TFAP2D: variants seen among roughly 807,000 people sequenced by gnomAD.
TFAP2D encodes transcription factor AP-2 delta, also known as transcription factor AP-2-delta.
In TFAP2D, 9 loss-of-function variants were observed where a neutral mutation model predicts 43.6. The observed-to-expected ratio is 0.21, with a 90% CI of 0.12 to 0.36. The LOEUF (loss-of-function observed/expected upper bound fraction) is 0.36. Among genes scored for constraint, TFAP2D ranks in the 10% least tolerant of loss-of-function variants. The pLI, the probability that TFAP2D is intolerant of heterozygous loss-of-function variation, is 1.00. For missense variants in TFAP2D, 513 were observed against 561.4 expected (o/e 0.91, Z 0.87); for synonymous variants, 256 against 224.9 (o/e 1.14, Z -1.24).
intron 3 of TFAP2D, among the ~76,000 whole-genome samples, chr6:50,726,317 A>G (rs577157190): frequency 1.3e-5 from 2 of 152,314 alleles, no homozygotes; most frequent in South Asian, 4.1e-4. Context: ...AAGATTAGTA[A>G]AGATAAGAAA....
intron 5 of TFAP2D, 39 bp from the exon 6 acceptor site, chr6:50,745,068 G>C (rs202111134): frequency 3.4e-5 from 55 of 1,610,152 alleles, no homozygotes; most frequent in Non-Finnish European, 4.6e-5. Flanking sequence ...ATTAAGGTTG[G>C]ATACTGGTGA....
chr6:50,761,006 G>A (rs1272720891), intron 7 of TFAP2D, among the ~76,000 whole-genome samples: 1 of 151,118 alleles, frequency 6.6e-6, no homozygotes, highest in East Asian at 1.9e-4. Flanking sequence ...ACCTAAGCCT[G>A]TGGTAACTGA....
chr6:50,768,638 C>T (rs906495332), intron 7 of TFAP2D, among the ~76,000 whole-genome samples: 19 of 152,132 alleles, frequency 1.2e-4, no homozygotes, highest in African/African-American at 4.6e-4. Context: ...TATTGTAGTA[C>T]ATTAGATTAC....
chr6:50,717,852 G>A (rs950545935), intron 2 of TFAP2D, among the ~76,000 whole-genome samples: 1 of 152,202 alleles, frequency 6.6e-6, no homozygotes, highest in East Asian at 1.9e-4. Context: ...GGAGAAACCC[G>A]TCTCTCTCCT....
At chr6:50,719,465 G>GAAAGAAA (rs1554151930) in intron 3 of TFAP2D, among the ~76,000 whole-genome samples, 1 of 133,764 alleles carries the variant, frequency 7.5e-6, no homozygotes, top group African/African-American at 2.6e-5. Context: ...AAGAAAGAAA[G>GAAAGAAA]AAAGAAAGAA....
chr6:50,741,139 T>A (rs1769039069), intron 5 of TFAP2D, among the ~76,000 whole-genome samples: 1 of 152,040 alleles, frequency 6.6e-6, no homozygotes, highest in East Asian at 1.9e-4. Flanking sequence ...TAAGTATTAC[T>A]ATTGAAAAGA....
Position 50,715,326 on chromosome 6 carries a change from G to A in TFAP2D, c.250G>A (p.Ala84Thr), listed in dbSNP as rs938932440. 3.1e-6 allele frequency: 5 copies of A among 1,613,888 alleles called. No homozygotes were observed. Among genetic ancestry groups the A allele is most frequent in the Non-Finnish European group, 4.2e-6 (5 of 1,179,954 alleles). Residue 84 changes from alanine to threonine, a missense_variant, in exon 2 of 8, where the codon GCC (alanine) becomes ACC (threonine). Transcript: ENST00000008391. ...FHYEFQHSHP[A>T]VTPDAYSLNS... is the part of the protein sequence containing the mutation. ...TTACGAGTTTCAGCACAGCCACCCG[G>A]CCGTCACCCCCGACGCCTACTCTCT...
chr6:50,752,526 G>A lies in TFAP2D; in HGVS notation c.1139+1202G>A, dbSNP rs116737838. On this transcript the variant is annotated intron_variant, in intron 7 of 7. Transcript: ENST00000008391. ...AAAAATTGTAAAGCTGTTGAGGAGG[G>A]CACTTCATTATATAAAATAACAAGT... Among the ~76,000 whole-genome samples the A allele has an allele frequency of 5.6e-3, 853 of 151,952 alleles. 17 individuals are homozygous for A. Among genetic ancestry groups the A allele is most frequent in the African/African-American group, 0.019 (798 of 41,494 alleles).
In TFAP2D at chr6:50,766,818, G is replaced by A. The variant is rs570875306; in HGVS notation, c.1140-5827G>A. 2.1e-3 allele frequency among the ~76,000 whole-genome samples: 323 copies of A among 151,410 alleles called. 1 individual carries two copies. Among genetic ancestry groups the A allele is most frequent in the Non-Finnish European group, 3.4e-3 (232 of 67,694 alleles). On this transcript the variant is annotated intron_variant, in intron 7 of 7. Transcript: ENST00000008391. ...CGAGTAGCTGGGACTACAGGTGCCC[G>A]CCACCGCGCCTGGCTAATTTTTTGT...
chr6:50,729,459 A>G (rs974321100), intron 5 of TFAP2D, 147 bp downstream of exon 5: 14 of 615,302 alleles, frequency 2.3e-5, no homozygotes, highest in East Asian at 1.9e-4. Flanking sequence ...TTATCTTGAC[A>G]ATGATGATTA....
At chr6:50,766,443 G>C (rs1769442056) in intron 7 of TFAP2D, among the ~76,000 whole-genome samples, 1 of 151,878 alleles carries the variant, frequency 6.6e-6, no homozygotes, top group African/African-American at 2.4e-5. Flanking sequence ...TCCATAGATT[G>C]GTTTTAGTAT....
intron 5 of TFAP2D, among the ~76,000 whole-genome samples, chr6:50,731,647 A>T (rs1768895561): frequency 6.6e-6 from 1 of 152,098 alleles, no homozygotes; most frequent in Admixed American, 6.6e-5. Flanking sequence ...TATGAGGAGA[A>T]CATAATCTTT....
intron 7 of TFAP2D, 139 bp from the exon 8 acceptor site, chr6:50,772,506 T>C (rs1161352348): frequency 1.3e-6 from 1 of 758,114 alleles, no homozygotes; most frequent in Non-Finnish European, 2.1e-6. Flanking sequence ...GTGTTGTATC[T>C]TCCACAATGC....
At chr6:50,738,228 T>C (rs1768989417) in intron 5 of TFAP2D, among the ~76,000 whole-genome samples, 1 of 152,114 alleles carries the variant, frequency 6.6e-6, no homozygotes, top group Non-Finnish European at 1.5e-5. Context: ...ATTTGTACTT[T>C]CGTTATTGAT....
At chr6:50,720,522 CACACACACACACACACAT>C (rs1768703143) in intron 3 of TFAP2D, among the ~76,000 whole-genome samples, 1 of 132,720 alleles carries the variant, frequency 7.5e-6, no homozygotes, top group East Asian at 2.0e-4. Flanking sequence ...CACACACACA[CACACACACACACACACAT>C]ATACGTGGTA....
chr6:50,720,914 T>C (rs1347525635), intron 3 of TFAP2D, among the ~76,000 whole-genome samples: 4 of 152,192 alleles, frequency 2.6e-5, no homozygotes, highest in Non-Finnish European at 5.9e-5. Context: ...CTGAAATGCT[T>C]GGAAACTGCA....
Position 50,715,787 on chromosome 6 carries a change from T to G in TFAP2D, c.537+174T>G, listed in dbSNP as rs534018449. The stretch of plus-strand genomic sequence containing the variant: ...CACACACACACACACACACCACTTA[T>G]GGAAAGTTATCAAAACAATTAGAGG... On this transcript the variant is annotated intron_variant, in intron 2 of 7. Transcript: ENST00000008391. 3.3e-5 allele frequency among the ~76,000 whole-genome samples: 5 copies of G among 149,560 alleles called. No homozygotes were observed. The South Asian group carries it at 6.3e-4, about 19-fold the overall frequency.
At chr6:50,772,288 G>A (rs1769539857) in intron 7 of TFAP2D, among the ~76,000 whole-genome samples, 2 of 152,100 alleles carry the variant, frequency 1.3e-5, no homozygotes, top group South Asian at 2.1e-4. Flanking sequence ...TACATCTAAC[G>A]TAAATGATGA....
intron 5 of TFAP2D, among the ~76,000 whole-genome samples, chr6:50,738,994 G>A (rs559686889): frequency 1.7e-4 from 26 of 152,082 alleles, no homozygotes; most frequent in Non-Finnish European, 3.1e-4. Flanking sequence ...TCTCAACTCT[G>A]GTTTGAGAGA....
Sources: gnomAD v4.1 joint callset for allele counts (sites outside exome capture counted in the v4.1 genomes callset) on GRCh38, gnomAD v4.1.1 for gene constraint, MANE v1.5 for transcripts, NCBI Gene and HGNC (gene_info 2026-07-23, HGNC 2026-07-21) for gene names.